Variants in HECW1 observed in about 807,000 individuals in gnomAD.
The protein encoded by HECW1 is E3 ubiquitin-protein ligase HECW1.
A neutral mutation model predicts 182.3 loss-of-function variants in HECW1; 61 were observed. That is an observed-to-expected ratio of 0.33 (90% CI 0.27 to 0.41). The LOEUF is 0.41. HECW1 is among the 10% of genes least tolerant of loss of function. HECW1 has a pLI of 1.00. For synonymous variants in HECW1, 859 were observed against 832.6 expected (o/e 1.03, Z -0.55); for missense variants, 1,739 against 2,108.9 (o/e 0.82, Z 3.44).
At chr7:43,225,561 A>G (rs1457270351) in intron 2 of HECW1, among the ~76,000 whole-genome samples, 1 of 152,226 alleles carries the variant, frequency 6.6e-6, no homozygotes, top group Non-Finnish European at 1.5e-5. Context: ...AGGAAATATT[A>G]TAGAAAGATT....
chr7:43,560,963 G>A (rs553865106), intron 29 of HECW1, among the ~76,000 whole-genome samples: 3 of 152,286 alleles, frequency 2.0e-5, no homozygotes, highest in Admixed American at 2.0e-4. Flanking sequence ...CTCTACTACG[G>A]TACAGGACTC....
chr7:43,445,499 C>T lies in HECW1; in HGVS notation c.2327C>T (p.Pro776Leu). The stretch of plus-strand genomic sequence containing the variant: ...CCGTGGCAAGACGAGCTGGCCGCCC[C>T]TAGCGGGCACGTGGAAAGAAGCCCG... ...AGPWQDELAA[P>L]SGHVERSPEG... Residue 776 changes from proline (P) to leucine (L), a missense_variant, in exon 11 of 30, where the codon CCT becomes CTT. This residue lies in a region of HECW1 where 971 missense variants were observed against 1,029.1 expected (regional missense o/e 0.94). Transcript: ENST00000395891. 6.2e-7 allele frequency: 1 copy of T among 1,611,558 alleles called. No individual in the cohort carries two copies. Among genetic ancestry groups the T allele is most frequent in the South Asian group, 1.1e-5 (1 of 91,030 alleles).
intron 26 of HECW1, among the ~76,000 whole-genome samples, chr7:43,542,831 C>T (rs2081411609): frequency 1.3e-5 from 2 of 152,196 alleles, no homozygotes; most frequent in African/African-American, 4.8e-5. Flanking sequence ...CTGCCCGTGT[C>T]CTCTTTCTTC....
chr7:43,483,955 G>A (rs1585047012), intron 17 of HECW1, among the ~76,000 whole-genome samples: 1 of 152,170 alleles, frequency 6.6e-6, no homozygotes, highest in East Asian at 1.9e-4. Flanking sequence ...ACAATCAGAT[G>A]GAAGGGGATG....
intron 19 of HECW1, among the ~76,000 whole-genome samples, chr7:43,499,935 G>C (rs1585099579): frequency 6.6e-6 from 1 of 152,144 alleles, no homozygotes; most frequent in Non-Finnish European, 1.5e-5. Context: ...TGATGCCTGT[G>C]CCTTGACTGA....
chr7:43,326,503 G>T (rs1170656209), intron 5 of HECW1, among the ~76,000 whole-genome samples: 1 of 152,208 alleles, frequency 6.6e-6, no homozygotes, highest in South Asian at 2.1e-4. Context: ...CCACAAGGCG[G>T]CCCCATGAAG....
In HECW1 at chr7:43,486,652, T is replaced by A. The variant is rs116227494; in HGVS notation, c.3235-5423T>A. Among the ~76,000 whole-genome samples, 1,208 of 152,312 alleles carry A rather than the reference T, an allele frequency of 7.9e-3. 17 individuals are homozygous for A. The highest frequency in any genetic ancestry group is 0.028 in the African/African-American group (1,149 of 41,564). Reference sequence around the variant, plus strand: ...ACCTGACATTGTGACAGCTATGACATGACCAGTGATAGGACTTTTTCAGCT... The same window carrying A: ...ACCTGACATTGTGACAGCTATGACAAGACCAGTGATAGGACTTTTTCAGCT... On this transcript the variant is annotated intron_variant, in intron 17 of 29. Transcript: ENST00000395891.
intron 6 of HECW1, among the ~76,000 whole-genome samples, chr7:43,381,197 CT>C (rs537848750): frequency 2.6e-5 from 4 of 152,052 alleles, no homozygotes; most frequent in Admixed American, 6.6e-5. Context: ...GGGCTGTTTA[CT>C]TTTTTCATGC....
At chr7:43,405,353 A>T (rs2109808) in intron 7 of HECW1, among the ~76,000 whole-genome samples, 105,548 of 151,998 alleles carry the variant, frequency 0.69, 37,566 homozygotes, top group African/African-American at 0.86. Context: ...CAGCATCTAG[A>T]TATACTCGTG....
chr7:43,457,448 A>G (rs2077439251), intron 13 of HECW1, among the ~76,000 whole-genome samples: 2 of 152,234 alleles, frequency 1.3e-5, no homozygotes, highest in African/African-American at 4.8e-5. Context: ...TCTGCCAGAA[A>G]GAAAAGGAGG....
intron 24 of HECW1, among the ~76,000 whole-genome samples, chr7:43,532,414 A>G (rs1324417820): frequency 6.6e-6 from 1 of 151,910 alleles, no homozygotes; most frequent in East Asian, 1.9e-4. Flanking sequence ...GGTTCATTCC[A>G]AAGACCCTAC....
rs1799099324 is a variant in HECW1 at position 43,243,725 on chromosome 7, T to C, written c.-31-150T>C. 1.8e-5 allele frequency: 12 copies of C among 684,056 alleles called. No individual in the cohort carries two copies. 42.4% of individuals were successfully genotyped at this position (684,056 alleles called of 1,614,324 possible). A position where few individuals can be genotyped will look rare whatever the true frequency, so the allele number is the denominator to read the frequency against. ...ATCCACTTTATCAAAATGAGTGTGG[T>C]CCTTGTGTGATTTTTCCTTTTGCAC... On this transcript the variant is annotated intron_variant, in intron 2 of 29. Coordinates refer to ENST00000395891, the MANE Select transcript of HECW1 (RefSeq NM_015052.5). This position sits in a 1 kb window ranked among gnomAD's most constrained non-coding sequence, Gnocchi z 4.0.
intron 6 of HECW1, among the ~76,000 whole-genome samples, chr7:43,371,272 G>A (rs1356135006): frequency 6.6e-6 from 1 of 152,116 alleles, no homozygotes; most frequent in Non-Finnish European, 1.5e-5. Flanking sequence ...AACACTAACA[G>A]TAACCACTGA....
intron 5 of HECW1, among the ~76,000 whole-genome samples, chr7:43,359,800 A>G (rs1815640386): frequency 6.6e-6 from 1 of 152,168 alleles, no homozygotes; most frequent in Non-Finnish European, 1.5e-5. Context: ...CAAATTGGAG[A>G]TTTCTCATAT....
intron 13 of HECW1, among the ~76,000 whole-genome samples, chr7:43,457,223 A>G (rs2077430825): frequency 6.6e-6 from 1 of 152,206 alleles, no homozygotes; most frequent in African/African-American, 2.4e-5. Flanking sequence ...CTTGCTCTTT[A>G]AGACTGGAGT....
At chr7:43,372,609 G>A (rs779509559) in intron 6 of HECW1, among the ~76,000 whole-genome samples, 1 of 151,570 alleles carries the variant, frequency 6.6e-6, no homozygotes, top group Non-Finnish European at 1.5e-5. Flanking sequence ...CAAAATAGTG[G>A]GATTGTGGCT....
chr7:43,368,786 G>T (rs1816953151), intron 6 of HECW1, among the ~76,000 whole-genome samples: 1 of 152,210 alleles, frequency 6.6e-6, no homozygotes, highest in African/African-American at 2.4e-5. Context: ...AGCTGCCATA[G>T]TGTAGGGGTG....
At chr7:43,473,578 G>A (rs992420734) in intron 16 of HECW1, among the ~76,000 whole-genome samples, 6 of 151,932 alleles carry the variant, frequency 3.9e-5, no homozygotes, top group Non-Finnish European at 5.9e-5. Context: ...TAATACAAAT[G>A]GAATAGTTGT....
intron 2 of HECW1, among the ~76,000 whole-genome samples, chr7:43,180,739 T>C (rs1792768229): frequency 6.6e-6 from 1 of 152,240 alleles, no homozygotes; most frequent in Admixed American, 6.5e-5. Flanking sequence ...TATACATGTT[T>C]ATGAAGTACA....
Sources: allele counts gnomAD v4.1 joint callset (sites outside exome capture counted in the v4.1 genomes callset), GRCh38; gene constraint gnomAD v4.1.1; regional missense constraint gnomAD v4.1.1; non-coding constraint Gnocchi (gnomAD v3.1); transcripts MANE v1.5; gene names NCBI Gene and HGNC (gene_info 2026-07-23, HGNC 2026-07-21).